Variants in PSMF1 observed in about 807,000 individuals in gnomAD.
The protein encoded by PSMF1 is proteasome inhibitor PI31 subunit.
Under a neutral mutation model 29.3 loss-of-function variants are expected in PSMF1, and 30 were observed. The observed-to-expected ratio is 1.02, with a 90% confidence interval of 0.77 to 1.39. The LOEUF is 1.39. PSMF1 is among the 40% of genes most tolerant of loss of function. The pLI is 0.00. For synonymous variants in PSMF1, 134 were observed against 139.7 expected (o/e 0.96, Z 0.29); for missense variants, 344 against 357.5 (o/e 0.96, Z 0.31).
chr20:1,156,066 TAAAC>T (rs912945581), intron 4 of PSMF1, among the ~76,000 whole-genome samples: 3 of 152,098 alleles, frequency 2.0e-5, no homozygotes, highest in Non-Finnish European at 4.4e-5. Flanking sequence ...GGTCAGCAAA[TAAAC>T]AGAAGACCTT....
upstream of PSMF1, among the ~76,000 whole-genome samples, chr20:1,117,397 G>A (rs2086022061): frequency 6.6e-6 from 1 of 151,606 alleles, no homozygotes; most frequent in Non-Finnish European, 1.5e-5. Flanking sequence ...AAGTGCAATG[G>A]TGCGATCTTG....
At chr20:1,117,306 T>G (rs1192893326), upstream of PSMF1, among the ~76,000 whole-genome samples, 1 of 151,640 alleles carries the variant, frequency 6.6e-6, no homozygotes, top group Non-Finnish European at 1.5e-5. Flanking sequence ...GTGACGATTT[T>G]GAGCCAACGG....
chr20:1,114,266 G>A (rs1359103498), upstream of PSMF1, among the ~76,000 whole-genome samples: 1 of 152,110 alleles, frequency 6.6e-6, no homozygotes, highest in Non-Finnish European at 1.5e-5. Context: ...GTTGCCCGTA[G>A]AGGTAACTGG....
At chr20:1,128,262 C>G (rs1002461569) in intron 3 of PSMF1, among the ~76,000 whole-genome samples, 1 of 152,128 alleles carries the variant, frequency 6.6e-6, no homozygotes, top group Non-Finnish European at 1.5e-5. Context: ...TGATTCTAGA[C>G]CTTTTCAGCA....
At chr20:1,160,843 ACCACACCC>A in intron 4 of PSMF1, 1 of 466,334 alleles carries the variant, frequency 2.1e-6, no homozygotes, top group Non-Finnish European at 4.4e-6. Context: ...AAGATCTGGC[ACCACACCC>A]TACAACAAGC....
intron 4 of PSMF1, among the ~76,000 whole-genome samples, chr20:1,147,358 C>T (rs2086466410): frequency 6.6e-6 from 1 of 152,172 alleles, no homozygotes; most frequent in Admixed American, 6.5e-5. Flanking sequence ...CGTAGCTTCT[C>T]AGCGTTATCT....
chr20:1,164,892 C>T lies in PSMF1; in HGVS notation c.765-137C>T, dbSNP rs1470777823. The T allele has an allele frequency of 1.2e-6, 1 of 800,780 alleles. No homozygotes were observed. The highest frequency in any genetic ancestry group is 2.1e-6 in the Non-Finnish European group (1 of 473,848). 49.6% of individuals were successfully genotyped at this position (800,780 alleles called of 1,614,324 possible). A position where few individuals can be genotyped will look rare whatever the true frequency, so the allele number is the denominator to read the frequency against. ...GGATTCAAACCCCGGTTGTCTGGCT[C>T]TTGAGTGCATGTGTTTAAATTCCTC... On this transcript the variant is annotated intron_variant, in intron 6 of 6. Coordinates refer to ENST00000335877, the MANE Select transcript of PSMF1 (RefSeq NM_006814.5). This position sits in a 1 kb window ranked among gnomAD's most constrained non-coding sequence, Gnocchi z 4.1.
intron 4 of PSMF1, among the ~76,000 whole-genome samples, chr20:1,141,188 A>G (rs2122532184): frequency 6.6e-6 from 1 of 152,336 alleles, no homozygotes; most frequent in East Asian, 1.9e-4. Flanking sequence ...GAAAGCAGGA[A>G]TGAGGAGAGA....
At chr20:1,131,019 C>G (rs988090356) in intron 3 of PSMF1, among the ~76,000 whole-genome samples, 2 of 152,008 alleles carry the variant, frequency 1.3e-5, no homozygotes, top group Non-Finnish European at 2.9e-5. Flanking sequence ...CAGGCCTGGC[C>G]GGCAGAATGC....
chr20:1,139,948 G>C lies in PSMF1; in HGVS notation c.551+4642G>C, dbSNP rs1400000254. ...TGAAAACTGTAAAACATTGTTGAAA[G>C]AAATTAAAGATTTAAGTAAAGGAAA... On this transcript the variant is annotated intron_variant, in intron 4 of 6. Transcript: ENST00000335877. Among the ~76,000 whole-genome samples the C allele has an allele frequency of 2.0e-5, 3 of 152,134 alleles. No individual in the cohort carries two copies. In the East Asian group the frequency reaches 5.8e-4, roughly 29 times the overall value.
At chr20:1,118,447 C>T (rs1039329824), upstream of PSMF1, 9 of 241,966 alleles carry the variant, frequency 3.7e-5, no homozygotes, top group Non-Finnish European at 5.6e-5. Flanking sequence ...GCTGTGCCCG[C>T]GTCAGGCGAT....
chr20:1,134,426 A>C (rs2086276009), intron 3 of PSMF1, among the ~76,000 whole-genome samples: 1 of 152,088 alleles, frequency 6.6e-6, no homozygotes, highest in African/African-American at 2.4e-5. Context: ...ATGGTTGGAG[A>C]ACATACTTTA....
Position 1,165,221 on chromosome 20 carries a change from C to T in PSMF1, c.*141C>T. ...TTGCAGACCGGCTGGGATAGCCTCC[C>T]CACCCCTTATCAGAGCCAAGACACC... On this transcript the variant is annotated 3_prime_UTR_variant, in exon 7 of 7. Coordinates refer to ENST00000335877, the MANE Select transcript of PSMF1 (RefSeq NM_006814.5). The T allele has an allele frequency of 6.7e-7, 1 of 1,488,228 alleles. No homozygotes were observed. The allele number at this position is 1,488,228 out of a possible 1,614,324, so 92.2% of individuals were successfully genotyped here.
At chr20:1,147,537 A>G (rs959814855) in intron 4 of PSMF1, among the ~76,000 whole-genome samples, 1 of 152,176 alleles carries the variant, frequency 6.6e-6, no homozygotes, top group Non-Finnish European at 1.5e-5. Flanking sequence ...CTCCTCCTCA[A>G]TTAAGTCTTT....
At chr20:1,129,586 A>G (rs1376972022) in intron 3 of PSMF1, among the ~76,000 whole-genome samples, 1 of 152,242 alleles carries the variant, frequency 6.6e-6, no homozygotes, top group African/African-American at 2.4e-5. Flanking sequence ...AGTCTTTCAG[A>G]CATAGATCAG....
chr20:1,158,115 C>T (rs1284726762), intron 4 of PSMF1, among the ~76,000 whole-genome samples: 1 of 152,058 alleles, frequency 6.6e-6, no homozygotes, highest in African/African-American at 2.4e-5. Context: ...TGGCAGCGTT[C>T]CTCCCTCTGG....
Position 1,139,854 on chromosome 20 carries a change from C to T in PSMF1, c.551+4548C>T, listed in dbSNP as rs6133989. On this transcript the variant is annotated intron_variant, in intron 4 of 6. Coordinates refer to ENST00000335877, the MANE Select transcript of PSMF1 (RefSeq NM_006814.5). ...TAACAACCCCCAAAAGAATATAATA[C>T]GTAAAAATAAATTTAACAAAAGAAG... 4.0e-5 allele frequency among the ~76,000 whole-genome samples: 6 copies of T among 151,734 alleles called. No homozygotes were observed. In the East Asian group the frequency reaches 7.7e-4, roughly 20 times the overall value.
intron 3 of PSMF1, among the ~76,000 whole-genome samples, chr20:1,133,264 C>A (rs779739456): frequency 8.0e-5 from 12 of 150,664 alleles, no homozygotes; most frequent in Non-Finnish European, 1.8e-4. Flanking sequence ...CCCCTTTATT[C>A]TTAGTTTGTT....
At position 1,165,989 on chromosome 20, in the gene PSMF1, G is replaced by T; in HGVS notation, c.*909G>T. 7.1e-7 allele frequency: 1 copy of T among 1,409,356 alleles called. No individual in the cohort carries two copies. The highest frequency in any genetic ancestry group is 9.2e-7 in the Non-Finnish European group (1 of 1,082,356). The allele number at this position is 1,409,356 out of a possible 1,614,324, so 87.3% of individuals were successfully genotyped here. A position where few individuals can be genotyped will look rare whatever the true frequency, so the allele number is the denominator to read the frequency against. On this transcript the variant is annotated 3_prime_UTR_variant, in exon 7 of 7. Transcript: ENST00000335877. ...AAAGCATTTTGATGTCTCATTCTGT[G>T]TTTGGTAACCCCTATAAACTGGGGC... is the stretch of plus-strand genomic sequence containing the variant.
Sources: gnomAD v4.1 joint callset for allele counts (sites outside exome capture counted in the v4.1 genomes callset) on GRCh38, gnomAD v4.1.1 for gene constraint, Gnocchi (gnomAD v3.1) non-coding constraint, MANE v1.5 for transcripts, NCBI Gene and HGNC (gene_info 2026-07-23, HGNC 2026-07-21) for gene names.